PRRX2: variants seen among roughly 807,000 people sequenced by gnomAD.
PRRX2 encodes paired mesoderm homeobox protein 2.
Under a neutral mutation model 18.0 loss-of-function variants are expected in PRRX2, and 11 were observed. The ratio of observed to expected loss-of-function variants is 0.61; its 90% CI spans 0.39 to 1.01. PRRX2 has a LOEUF of 1.01. Among genes scored for constraint, PRRX2 ranks in the 50% least tolerant of loss-of-function variants. The probability of loss-of-function intolerance (pLI) is 0.01; values close to 1 mark genes in which losing one functional copy is unlikely to be tolerated. For missense variants in PRRX2, 387 were observed against 351.0 expected, an observed-to-expected ratio of 1.10 and a Z score of -0.82; for synonymous variants, 177 against 154.8, an observed-to-expected ratio of 1.14 and a Z score of -1.06.
intron 1 of PRRX2, among the ~76,000 whole-genome samples, chr9:129,703,612 C>T (rs909053134): frequency 2.6e-5 from 4 of 152,042 alleles, no homozygotes; most frequent in Admixed American, 6.6e-5. Flanking sequence ...CTGCATTGTA[C>T]GACGCAGGGC....
chr9:129,667,977 G>A (rs1391148041), intron 1 of PRRX2, among the ~76,000 whole-genome samples: 1 of 152,182 alleles, frequency 6.6e-6, no homozygotes, highest in Non-Finnish European at 1.5e-5. Context: ...GGACACACTG[G>A]GTGTGGGATC....
At chr9:129,711,115 A>AC (rs1384546266) in intron 1 of PRRX2, among the ~76,000 whole-genome samples, 9 of 151,626 alleles carry the variant, frequency 5.9e-5, no homozygotes. Flanking sequence ...CACCAGGGAG[A>AC]CCCCCAGAAT....
chr9:129,684,784 A>T (rs969139267), intron 1 of PRRX2, among the ~76,000 whole-genome samples: 4 of 152,206 alleles, frequency 2.6e-5, no homozygotes, highest in Admixed American at 6.5e-5. Context: ...CAGGACAAGC[A>T]GTGCTTCAGG....
chr9:129,683,968 G>C (rs1832264454), intron 1 of PRRX2, among the ~76,000 whole-genome samples: 1 of 152,160 alleles, frequency 6.6e-6, no homozygotes, highest in Non-Finnish European at 1.5e-5. Context: ...CCTCCCAACA[G>C]GCTGCAGAGA....
At chr9:129,705,591 G>A (rs540314971) in intron 1 of PRRX2, among the ~76,000 whole-genome samples, 1 of 151,932 alleles carries the variant, frequency 6.6e-6, no homozygotes, top group African/African-American at 2.4e-5. Flanking sequence ...CTGACCTCTG[G>A]TGATCTGCCC....
At chr9:129,694,318 G>A (rs1832394884) in intron 1 of PRRX2, among the ~76,000 whole-genome samples, 2 of 152,262 alleles carry the variant, frequency 1.3e-5, no homozygotes, top group Non-Finnish European at 2.9e-5. Context: ...CCGACTAGCC[G>A]GGACTATGGG....
chr9:129,666,911 G>A (rs1455437941), intron 1 of PRRX2, among the ~76,000 whole-genome samples: 3 of 152,206 alleles, frequency 2.0e-5, no homozygotes, highest in African/African-American at 7.2e-5. Flanking sequence ...CTCTGGGGAT[G>A]GGCCGGCCTG....
At chr9:129,689,041 G>A (rs780322584) in intron 1 of PRRX2, among the ~76,000 whole-genome samples, 2 of 152,172 alleles carry the variant, frequency 1.3e-5, no homozygotes, top group African/African-American at 2.4e-5. Context: ...GTTGTGTGTC[G>A]TTGGCTGCGG....
intron 1 of PRRX2, among the ~76,000 whole-genome samples, chr9:129,670,584 AG>A (rs1349217792): frequency 1.3e-5 from 2 of 152,144 alleles, no homozygotes; most frequent in Non-Finnish European, 2.9e-5. Context: ...CTTGTTGGCC[AG>A]GCTGGTCTTG....
intron 1 of PRRX2, among the ~76,000 whole-genome samples, chr9:129,694,218 G>A (rs1832394073): frequency 2.0e-5 from 3 of 152,088 alleles, no homozygotes; most frequent in Admixed American, 6.6e-5. Flanking sequence ...GCTGGAGTGC[G>A]GTGGCCTGAT....
chr9:129,667,910 T>G (rs1161346816), intron 1 of PRRX2, among the ~76,000 whole-genome samples: 2 of 152,104 alleles, frequency 1.3e-5, no homozygotes, highest in Non-Finnish European at 2.9e-5. Context: ...CCATGAGGCC[T>G]CCAGGCCTTC....
intron 1 of PRRX2, among the ~76,000 whole-genome samples, chr9:129,706,477 C>T (rs1332779139): frequency 7.2e-5 from 11 of 152,118 alleles, no homozygotes; most frequent in East Asian, 1.9e-4. Flanking sequence ...GCAAGAGAAT[C>T]GCTTGAACCT....
chr9:129,716,126 A>C (rs1832704010), intron 1 of PRRX2, among the ~76,000 whole-genome samples: 1 of 152,236 alleles, frequency 6.6e-6, no homozygotes, highest in Non-Finnish European at 1.5e-5. Context: ...GACCAGTTAT[A>C]CGAGGGAATT....
intron 1 of PRRX2, among the ~76,000 whole-genome samples, chr9:129,697,717 C>T (rs1832444661): frequency 6.6e-6 from 1 of 152,068 alleles, no homozygotes; most frequent in Non-Finnish European, 1.5e-5. Context: ...TGGGGTCCGC[C>T]TCGCCCCTCG....
rs762929485 is a variant in PRRX2 at position 129,715,750 on chromosome 9, T to TCTCTCTCTCTCTCTCACACACA, written c.260-3480_260-3479insTCTCTCTCTCTCTCACACACAC. 1.2e-4 allele frequency among the ~76,000 whole-genome samples: 17 copies of TCTCTCTCTCTCTCTCACACACA among 138,950 alleles called. No homozygotes were observed. Among genetic ancestry groups the TCTCTCTCTCTCTCTCACACACA allele is most frequent in the East Asian group, 6.8e-4 (3 of 4,390 alleles). 91.2% of individuals were successfully genotyped at this position (138,950 alleles called of 152,430 possible). On this transcript the variant is annotated intron_variant, in intron 1 of 3. Coordinates refer to ENST00000372469, the MANE Select transcript of PRRX2 (RefSeq NM_016307.4). This position sits in a 1 kb window ranked among gnomAD's most constrained non-coding sequence, Gnocchi z 4.0. Reference sequence around the variant, plus strand: ...AAACCCAGCTTCAGGGACATCTTTCTCACACACACACACACACACACACAC... The same window carrying TCTCTCTCTCTCTCTCACACACA: ...AAACCCAGCTTCAGGGACATCTTTCTCTCTCTCTCTCTCTCACACACACACACACACACACACACACACACAC...
chr9:129,703,800 C>G (rs1394313818), intron 1 of PRRX2, among the ~76,000 whole-genome samples: 1 of 152,180 alleles, frequency 6.6e-6, no homozygotes, highest in Non-Finnish European at 1.5e-5. Flanking sequence ...CTCAGACTCA[C>G]ATTTTCCAGC....
chr9:129,719,374 G>GCCTC lies in PRRX2; in HGVS notation c.403_404insCCTC (p.Glu135AlafsTer30). ...GCACTACCCCGACGCCTTTGTGCGC[G>GCCTC]AGGAGCTTGCCCGGCGCGTCAACCT... is the stretch of plus-strand genomic sequence containing the variant. On this transcript the variant is annotated frameshift_variant, in exon 2 of 4. Transcript: ENST00000372469. LOFTEE classifies it high-confidence loss of function. The GCCTC allele has an allele frequency of 6.4e-7, 1 of 1,563,130 alleles. No homozygotes were observed. Among genetic ancestry groups the GCCTC allele is most frequent in the Non-Finnish European group, 8.7e-7 (1 of 1,155,088 alleles).
In PRRX2 at chr9:129,671,561, G is replaced by A. The variant is rs1054251066; in HGVS notation, c.259+5435G>A. Among the ~76,000 whole-genome samples, 4 of 152,184 alleles carry A rather than the reference G, an allele frequency of 2.6e-5. No homozygotes were observed. The highest frequency in any genetic ancestry group is 2.0e-4 in the Admixed American group (3 of 15,276). ...CGCCGGCTTACACACCTCCCTTGAG[G>A]CCTGAAAAGAACCCTGCGAGTCAGT... On this transcript the variant is annotated intron_variant, in intron 1 of 3. Transcript: ENST00000372469. The surrounding 1 kb of genome is among the most constrained non-coding windows in gnomAD (Gnocchi z 4.0).
At chr9:129,669,641 G>C (rs994051319) in intron 1 of PRRX2, among the ~76,000 whole-genome samples, 6 of 152,108 alleles carry the variant, frequency 3.9e-5, no homozygotes, top group Admixed American at 3.9e-4. Flanking sequence ...CAGAGATTTC[G>C]GAAGATGAAG....
Sources: gnomAD v4.1 joint callset for allele counts (sites outside exome capture counted in the v4.1 genomes callset) on GRCh38, gnomAD v4.1.1 for gene constraint, Gnocchi (gnomAD v3.1) non-coding constraint, MANE v1.5 for transcripts, NCBI Gene and HGNC (gene_info 2026-07-23, HGNC 2026-07-21) for gene names.